FARP2: variants seen among roughly 807,000 people sequenced by gnomAD.
The protein encoded by FARP2 is FERM, ARH/RhoGEF and pleckstrin domain protein 2, also known as FERM, ARHGEF and pleckstrin domain-containing protein 2.
In FARP2, 111 loss-of-function variants were observed where a neutral mutation model predicts 130.5. The observed-to-expected ratio is 0.85, with a 90% CI of 0.73 to 1.00. The LOEUF is 1.00. Among genes scored for constraint, FARP2 ranks in the 50% least tolerant of loss-of-function variants. The pLI, the probability that FARP2 is intolerant of heterozygous loss-of-function variation, is 0.00. For missense variants in FARP2, 1,385 were observed against 1,346.3 expected, an observed-to-expected ratio of 1.03 and a Z score of -0.45; for synonymous variants, 504 against 516.9, an observed-to-expected ratio of 0.98 and a Z score of 0.34.
At chr2:241,417,537 G>A (rs544575711) in intron 7 of FARP2, among the ~76,000 whole-genome samples, 3 of 152,164 alleles carry the variant, frequency 2.0e-5, no homozygotes, top group Non-Finnish European at 4.4e-5. Context: ...TGTCCAGGCT[G>A]GTCTCAAACT....
At chr2:241,467,975 G>A (rs958114948) in intron 17 of FARP2, among the ~76,000 whole-genome samples, 165 bp from the exon 18 acceptor site, 9 of 152,240 alleles carry the variant, frequency 5.9e-5, no homozygotes, top group African/African-American at 2.2e-4. Context: ...GGGTTGAGAT[G>A]CATTCCGTGG....
At chr2:241,418,612 T>C (rs1465112707) in intron 8 of FARP2, among the ~76,000 whole-genome samples, 1 of 152,234 alleles carries the variant, frequency 6.6e-6, no homozygotes, top group East Asian at 1.9e-4. Flanking sequence ...TTGCTTGTGA[T>C]AAGAGTCAGT....
At chr2:241,436,418 T>G in intron 11 of FARP2, 63 bp from the exon 12 acceptor site, 1 of 1,472,774 alleles carries the variant, frequency 6.8e-7, no homozygotes, top group Non-Finnish European at 9.5e-7. Context: ...TGCTTGCTGC[T>G]TTAAAAACAG....
intron 13 of FARP2, among the ~76,000 whole-genome samples, chr2:241,455,808 C>T (rs773619041): frequency 4.4e-5 from 6 of 134,980 alleles, no homozygotes; most frequent in African/African-American, 1.7e-4. Flanking sequence ...GGTGCGATCT[C>T]GGCTCACTGC....
chr2:241,370,943 TAATA>T (rs2061410745), intron 1 of FARP2, among the ~76,000 whole-genome samples: 1 of 152,230 alleles, frequency 6.6e-6, no homozygotes, highest in Admixed American at 6.5e-5. Context: ...GCAGCTCAGG[TAATA>T]AATGTGTCAG....
In FARP2 at chr2:241,411,036, C is replaced by T; in HGVS notation, c.414C>T (p.Tyr138=). ...CTTATTTTGAACTCTCTTCTAGATA[C>T]TTGTTTGCCTTGCAACTTAAGAGAG... The part of the protein sequence containing the change: ...PGQLQEEYTR[Y]LFALQLKRDL... The change falls in exon 6 of 27, where the codon TAC becomes TAT. Residue 138 remains tyrosine (Y), a synonymous_variant. Transcript: ENST00000264042. The T allele has an allele frequency of 1.2e-6, 2 of 1,602,728 alleles. No individual in the cohort carries two copies. Among genetic ancestry groups the T allele is most frequent in the Non-Finnish European group, 1.7e-6 (2 of 1,171,702 alleles).
chr2:241,372,017 C>G (rs1377389136), intron 1 of FARP2, among the ~76,000 whole-genome samples: 1 of 151,972 alleles, frequency 6.6e-6, no homozygotes, highest in Non-Finnish European at 1.5e-5. Flanking sequence ...ACAATAAAAT[C>G]TGTTTTAAAA....
chr2:241,476,913 A>G lies in FARP2; in HGVS notation c.2262+926A>G, dbSNP rs375023808. On this transcript the variant is annotated intron_variant, in intron 19 of 26. Coordinates refer to ENST00000264042, the MANE Select transcript of FARP2 (RefSeq NM_014808.4). ...TTGAAGGGAACCCTGTTCTCAGGAG[A>G]CTCTGTTCTGAGGTAACCCTGTTCT... 5.3e-5 allele frequency among the ~76,000 whole-genome samples: 8 copies of G among 151,508 alleles called. No individual in the cohort carries two copies. The East Asian group carries it at 5.8e-4, about 11-fold the overall frequency.
At chr2:241,472,703 A>AGGG (rs1448456737) in intron 18 of FARP2, among the ~76,000 whole-genome samples, 1 of 149,328 alleles carries the variant, frequency 6.7e-6, no homozygotes, top group Admixed American at 6.6e-5. Context: ...CTCTGTTCTG[A>AGGG]GGATGCTGCT....
At chr2:241,438,177 C>T (rs1410941336) in intron 12 of FARP2, among the ~76,000 whole-genome samples, 2 of 152,194 alleles carry the variant, frequency 1.3e-5, no homozygotes, top group Admixed American at 6.5e-5. Flanking sequence ...CAACTTTTAT[C>T]TCTGTACAGT....
At chr2:241,447,088 A>G (rs1290998917) in intron 13 of FARP2, 1 of 152,234 alleles carries the variant, frequency 6.6e-6, no homozygotes, top group Non-Finnish European at 1.5e-5. Flanking sequence ...GCAGATATGT[A>G]CTAATTTAGA....
At chr2:241,406,489 C>A (rs1352867684) in intron 4 of FARP2, among the ~76,000 whole-genome samples, 1 of 152,000 alleles carries the variant, frequency 6.6e-6, no homozygotes, top group East Asian at 1.9e-4. Context: ...TTCTGTCACC[C>A]AGCCTGGAGT....
chr2:241,371,087 C>T (rs536908537), intron 1 of FARP2, among the ~76,000 whole-genome samples: 29 of 152,112 alleles, frequency 1.9e-4, no homozygotes, highest in African/African-American at 2.4e-4. Context: ...ATAAATTGGA[C>T]GTGTGCAGAA....
At chr2:241,438,730 C>T (rs1277135257) in intron 12 of FARP2, among the ~76,000 whole-genome samples, 1 of 150,628 alleles carries the variant, frequency 6.6e-6, no homozygotes, top group East Asian at 2.0e-4. Flanking sequence ...CCCGGGTTCA[C>T]GCCATTCTCC....
chr2:241,459,795 A>T lies in FARP2; in HGVS notation c.1588-2728A>T, dbSNP rs1351509537. 8.1e-6 allele frequency among the ~76,000 whole-genome samples: 1 copy of T among 123,020 alleles called. No homozygotes were observed. The highest frequency in any genetic ancestry group is 1.6e-5 in the Non-Finnish European group (1 of 62,340). 80.7% of individuals were successfully genotyped at this position (123,020 alleles called of 152,430 possible). ...ATTTTCTGTCCCTGAGAGTCTTCTC[A>T]CGGTATTCCTTGGGCTGATTGGGCG... On this transcript the variant is annotated intron_variant, in intron 14 of 26. Coordinates refer to ENST00000264042, the MANE Select transcript of FARP2 (RefSeq NM_014808.4). This position sits in a 1 kb window ranked among gnomAD's most constrained non-coding sequence, Gnocchi z 5.3.
At chr2:241,463,044 A>G (rs1488024146) in intron 15 of FARP2, among the ~76,000 whole-genome samples, 1 of 152,220 alleles carries the variant, frequency 6.6e-6, no homozygotes, top group Non-Finnish European at 1.5e-5. Flanking sequence ...TTTGTTAAAT[A>G]TATCTGTTTT....
chr2:241,456,594 G>A (rs1021096275), intron 13 of FARP2, 153 bp from the exon 14 acceptor site: 6 of 687,024 alleles, frequency 8.7e-6, no homozygotes, highest in Non-Finnish European at 1.3e-5. Flanking sequence ...TTAGAATTGT[G>A]TGTGATAGAG....
Position 241,404,953 on chromosome 2 carries a change from A to G in FARP2, c.331+112A>G, listed in dbSNP as rs2062294118. ...CTCACCACCGTGTATGGTTAGCAAGAAGTAATCACCAATAGCGGACAAACT... is the reference window on the plus strand; with the variant it reads ...CTCACCACCGTGTATGGTTAGCAAGGAGTAATCACCAATAGCGGACAAACT... On this transcript the variant is annotated intron_variant, in intron 4 of 26. Transcript: ENST00000264042. 3.4e-5 allele frequency: 26 copies of G among 761,290 alleles called. 1 individual carries two copies. The South Asian group carries it at 4.6e-4, about 13-fold the overall frequency. The allele number at this position is 761,290 out of a possible 1,614,324, so 47.2% of individuals were successfully genotyped here. A position where few individuals can be genotyped will look rare whatever the true frequency, so the allele number is the denominator to read the frequency against.
intron 13 of FARP2, 64 bp from the exon 14 acceptor site, chr2:241,456,683 C>A: frequency 6.4e-7 from 1 of 1,559,698 alleles, no homozygotes; most frequent in East Asian, 2.2e-5. Context: ...GTAGTAGCGG[C>A]TCTAAGCCAG....
Sources: allele counts gnomAD v4.1 joint callset (sites outside exome capture counted in the v4.1 genomes callset), GRCh38; gene constraint gnomAD v4.1.1; non-coding constraint Gnocchi (gnomAD v3.1); transcripts MANE v1.5; gene names NCBI Gene and HGNC (gene_info 2026-07-23, HGNC 2026-07-21).